LRP2: variants seen among roughly 807,000 people sequenced by gnomAD.
LRP2 encodes the protein low-density lipoprotein receptor-related protein 2.
In LRP2, 172 loss-of-function variants were observed where a neutral mutation model predicts 531.0. The observed-to-expected ratio is 0.32, with a 90% CI of 0.29 to 0.37. The LOEUF (loss-of-function observed/expected upper bound fraction) is 0.37. Among genes scored for constraint, LRP2 ranks in the 10% least tolerant of loss-of-function variants. The pLI is 1.00. For missense variants in LRP2, 5,167 were observed against 5,868.3 expected (o/e 0.88, Z 3.90); for synonymous variants, 1,992 against 2,027.6 (o/e 0.98, Z 0.47).
intron 1 of LRP2, among the ~76,000 whole-genome samples, chr2:169,341,219 G>T (rs968333175): frequency 6.6e-6 from 1 of 152,040 alleles, no homozygotes; most frequent in Non-Finnish European, 1.5e-5. Context: ...GAAGTGCAAG[G>T]CATGTCCAAG....
intron 1 of LRP2, among the ~76,000 whole-genome samples, chr2:169,353,090 GGTGA>G (rs1453929710): frequency 6.6e-6 from 1 of 151,976 alleles, no homozygotes; most frequent in Non-Finnish European, 1.5e-5. Flanking sequence ...CTTTAGTAAG[GGTGA>G]GTTTTGATTT....
intron 1 of LRP2, among the ~76,000 whole-genome samples, chr2:169,324,817 G>T (rs556835758): frequency 6.6e-5 from 10 of 152,118 alleles, no homozygotes; most frequent in Non-Finnish European, 1.3e-4. Flanking sequence ...GCATTCCTCT[G>T]TGTCATTTAC....
chr2:169,245,740 C>A (rs1689981587), intron 21 of LRP2, among the ~76,000 whole-genome samples: 1 of 152,132 alleles, frequency 6.6e-6, no homozygotes, highest in Non-Finnish European at 1.5e-5. Flanking sequence ...TTTACTCTAA[C>A]ATGGGAGAAA....
intron 48 of LRP2, among the ~76,000 whole-genome samples, chr2:169,188,682 TA>T (rs1057150990): frequency 1.3e-5 from 2 of 152,200 alleles, no homozygotes; most frequent in African/African-American, 4.8e-5. Context: ...TGGCACTATC[TA>T]TGTTCAACAG....
In LRP2 at chr2:169,127,903, A is replaced by T. The variant is rs1300907570; in HGVS notation, c.*760T>A. 2 of 152,408 alleles carry T rather than the reference A, an allele frequency of 1.3e-5. No individual in the cohort carries two copies. The highest frequency in any genetic ancestry group is 6.5e-5 in the Admixed American group (1 of 15,282). 9.4% of individuals were successfully genotyped at this position (152,408 alleles called of 1,614,324 possible). ...GTCCATCAGCAGAAGAGCTCATTTA[A>T]TTAACCACAAACTCAATGCAGGACA... On this transcript the variant is annotated 3_prime_UTR_variant, in exon 79 of 79. Transcript: ENST00000649046.
rs1194538210 is a variant in LRP2, at chr2:169,327,274, GC to G, written c.80-6391del. ...GTCCGGGAGGGAGGTGGGGGGGTCA[GC>G]CCCCCGCCCGGCCAGCCGCCCCGTC... On this transcript the variant is annotated intron_variant, in intron 1 of 78. Coordinates refer to ENST00000649046, the MANE Select transcript of LRP2 (RefSeq NM_004525.3). Among the ~76,000 whole-genome samples, 124 of 99,208 alleles carry G rather than the reference GC, an allele frequency of 1.2e-3. 3 individuals are homozygous for G. The highest frequency in any genetic ancestry group is 4.4e-3 in the African/African-American group (118 of 26,712). The allele number at this position is 99,208 out of a possible 152,430, so 65.1% of individuals were successfully genotyped here. A position where few individuals can be genotyped will look rare whatever the true frequency, so the allele number is the denominator to read the frequency against.
chr2:169,292,520 G>C (rs1473141335), intron 6 of LRP2, 151 bp from the exon 7 acceptor site: 4 of 647,370 alleles, frequency 6.2e-6, no homozygotes, highest in Middle Eastern at 2.8e-4. Flanking sequence ...TTTTTAAAAA[G>C]GAGGAAAAAA....
chr2:169,163,922 G>A (rs1232070152), intron 62 of LRP2, among the ~76,000 whole-genome samples: 1 of 152,166 alleles, frequency 6.6e-6, no homozygotes, highest in Non-Finnish European at 1.5e-5. Flanking sequence ...CAGAGCAGAG[G>A]CATGAGCTAA....
rs201728365 is a variant in LRP2 at position 169,231,884 on chromosome 2, T to C, written c.5099-42A>G. ...AGAAAGCACCAGTAAGTGGAAAACCTCCACATTAAAATCAAAACAGAGTCA... is the reference window on the plus strand; with the variant it reads ...AGAAAGCACCAGTAAGTGGAAAACCCCCACATTAAAATCAAAACAGAGTCA... On this transcript the variant is annotated intron_variant, in intron 30 of 78. Coordinates refer to ENST00000649046, the MANE Select transcript of LRP2 (RefSeq NM_004525.3). 5.6e-6 allele frequency: 9 copies of C among 1,608,776 alleles called. No homozygotes were observed. The Admixed American group carries it at 1.2e-4, about 21-fold the overall frequency.
At chr2:169,352,821 G>A (rs528619806) in intron 1 of LRP2, among the ~76,000 whole-genome samples, 4 of 151,746 alleles carry the variant, frequency 2.6e-5, no homozygotes, top group South Asian at 2.1e-4. Flanking sequence ...TGGTCACAGG[G>A]GGGGGAACAT....
At position 169,331,560 on chromosome 2, in the gene LRP2, C is replaced by T. The variant is rs139594635; in HGVS notation, c.80-10676G>A. 2.8e-4 allele frequency among the ~76,000 whole-genome samples: 42 copies of T among 152,300 alleles called. No individual in the cohort carries two copies. In the East Asian group the frequency reaches 7.5e-3, roughly 27 times the overall value. On this transcript the variant is annotated intron_variant, in intron 1 of 78. Transcript: ENST00000649046. ...ACTAAGCTCAAGACTTTCTTCTCCTCTGGCCCCAATCCCCACTAGAGACTA... is the reference window on the plus strand; with the variant it reads ...ACTAAGCTCAAGACTTTCTTCTCCTTTGGCCCCAATCCCCACTAGAGACTA...
chr2:169,272,435 G>GA (rs1372973645), intron 15 of LRP2, among the ~76,000 whole-genome samples: 1 of 152,092 alleles, frequency 6.6e-6, no homozygotes, highest in African/African-American at 2.4e-5. Context: ...AATACAGAGA[G>GA]AAAAAATAAG....
intron 34 of LRP2, among the ~76,000 whole-genome samples, chr2:169,219,015 A>C (rs754111155): frequency 1.2e-4 from 19 of 152,228 alleles, no homozygotes; most frequent in Non-Finnish European, 2.2e-4. Flanking sequence ...TATCTTAACT[A>C]ACACACCACC....
At chr2:169,266,095 A>AATATTT (rs1323984914) in intron 16 of LRP2, among the ~76,000 whole-genome samples, 1 of 152,042 alleles carries the variant, frequency 6.6e-6, no homozygotes, top group Non-Finnish European at 1.5e-5. Flanking sequence ...AGCAGTGAAC[A>AATATTT]ATATTTATAT....
At chr2:169,173,301 G>A in intron 56 of LRP2, 77 bp from the exon 57 acceptor site, 2 of 1,563,800 alleles carry the variant, frequency 1.3e-6, no homozygotes, top group Non-Finnish European at 1.8e-6. Context: ...TGAGGTTGTG[G>A]TACTGAGGAA....
At chr2:169,172,402 T>A (rs1047666546) in intron 57 of LRP2, among the ~76,000 whole-genome samples, 1 of 152,182 alleles carries the variant, frequency 6.6e-6, no homozygotes, top group Non-Finnish European at 1.5e-5. Context: ...AACAAAGGCC[T>A]GGTATGGGAG....
rs772447947 is a variant in LRP2 at position 169,201,628 on chromosome 2, G to C, written c.8452C>G (p.Pro2818Ala). ...DNNTSDEKNC[P>A]DRTCQSGYTK... ...CAATAAGCACTTAAGATAAACTTAC[G>C]GCAATTTTTCTCATCTGAAGTGTTA... is the stretch of plus-strand genomic sequence containing the variant. The change falls in exon 44 of 79, where the codon CCT (proline) becomes GCT (alanine). Residue 2818 changes from proline to alanine, a missense_variant and splice_region_variant. Pro to Ala is a conservative substitution (Grantham distance 27). Around this residue, in one of 6 missense-constraint regions of LRP2, gnomAD observed 1,129 missense variants for 1,362.7 expected, o/e 0.83. Transcript: ENST00000649046. 1.2e-6 allele frequency: 2 copies of C among 1,613,942 alleles called. No individual in the cohort carries two copies. Among genetic ancestry groups the C allele is most frequent in the East Asian group, 4.5e-5 (2 of 44,880 alleles).
chr2:169,331,160 G>A (rs1685253977), intron 1 of LRP2, among the ~76,000 whole-genome samples: 1 of 152,188 alleles, frequency 6.6e-6, no homozygotes, highest in African/African-American at 2.4e-5. Context: ...CATCATTAAT[G>A]TAAAGGATTG....
intron 1 of LRP2, among the ~76,000 whole-genome samples, chr2:169,361,652 C>T (rs1356128898): frequency 6.6e-6 from 1 of 152,150 alleles, no homozygotes; most frequent in East Asian, 1.9e-4. Context: ...AAACTCTGGC[C>T]ATGCAGACGG....
Sources: gnomAD v4.1 joint callset for allele counts (sites outside exome capture counted in the v4.1 genomes callset) on GRCh38, gnomAD v4.1.1 for gene constraint, gnomAD v4.1.1 regional missense constraint, MANE v1.5 for transcripts, NCBI Gene and HGNC (gene_info 2026-07-23, HGNC 2026-07-21) for gene names.